Variants in ROBO2 observed in about 807,000 individuals in gnomAD.
The protein encoded by ROBO2 is roundabout guidance receptor 2, also known as roundabout homolog 2.
A neutral mutation model predicts 160.8 loss-of-function variants in ROBO2; 53 were observed. The ratio of observed to expected loss-of-function variants is 0.33; its 90% confidence interval spans 0.26 to 0.41. The LOEUF is 0.41. Among genes scored for constraint, ROBO2 ranks in the 10% least tolerant of loss-of-function variants. ROBO2 has a pLI of 1.00. For synonymous variants in ROBO2, 664 were observed against 611.7 expected, an observed-to-expected ratio of 1.09 and a Z score of -1.26; for missense variants, 1,577 against 1,722.4, an observed-to-expected ratio of 0.92 and a Z score of 1.49.
chr3:77,598,448 T>C (rs2094355553), intron 19 of ROBO2, among the ~76,000 whole-genome samples: 1 of 146,040 alleles, frequency 6.8e-6, no homozygotes, highest in Non-Finnish European at 1.5e-5. Flanking sequence ...TATATATATA[T>C]TTATTTATAT....
Position 76,869,186 on chromosome 3 carries a change from T to A in ROBO2, c.110-228828T>A, listed in dbSNP as rs376266921. On this transcript the variant is annotated intron_variant, in intron 2 of 26. Coordinates refer to the ROBO2 transcript ENST00000487694. ...TGACATAAGTGGTAGAATTTAGGAT[T>A]TGAAACTAAGTCGTCCTAACCATTG... Among the ~76,000 whole-genome samples, 81 of 152,240 alleles carry A rather than the reference T, an allele frequency of 5.3e-4. 1 individual carries two copies. The South Asian group carries it at 1.0e-2, about 19-fold the overall frequency.
intron 2 of ROBO2, among the ~76,000 whole-genome samples, chr3:77,124,814 T>C (rs1422998929): frequency 3.9e-5 from 6 of 151,974 alleles, no homozygotes; most frequent in Non-Finnish European, 8.8e-5. Context: ...GTTTCCAAGG[T>C]CTTACCCTCT....
chr3:76,172,436 TAA>T (rs59265395), intron 2 of ROBO2, among the ~76,000 whole-genome samples: 3,980 of 124,690 alleles, frequency 0.032, 217 homozygotes, highest in East Asian at 0.24. Context: ...GTATAATAAT[TAA>T]AAAAAAAAAA....
At chr3:76,932,708 AG>A (rs752047555) in intron 2 of ROBO2, among the ~76,000 whole-genome samples, 1 of 152,214 alleles carries the variant, frequency 6.6e-6, no homozygotes, top group Non-Finnish European at 1.5e-5. Flanking sequence ...AAATTTTAAA[AG>A]TCAGTACTTA....
intron 2 of ROBO2, among the ~76,000 whole-genome samples, chr3:76,034,052 C>T (rs1006977893): frequency 5.9e-5 from 9 of 152,172 alleles, no homozygotes; most frequent in South Asian, 4.1e-4. Context: ...ATAGACTTCA[C>T]CTCTTGACAG....
chr3:75,964,620 A>G (rs1949040269), intron 2 of ROBO2, among the ~76,000 whole-genome samples: 1 of 151,630 alleles, frequency 6.6e-6, no homozygotes. Flanking sequence ...CAGATGCTTT[A>G]GACAACATGA....
intron 2 of ROBO2, among the ~76,000 whole-genome samples, chr3:77,439,543 A>G (rs2079687204): frequency 6.6e-6 from 1 of 152,150 alleles, no homozygotes; most frequent in South Asian, 2.1e-4. Flanking sequence ...GCTGAAATAA[A>G]TACTTACGTT....
intron 2 of ROBO2, among the ~76,000 whole-genome samples, chr3:76,365,464 G>C (rs1317127569): frequency 1.3e-5 from 2 of 152,052 alleles, no homozygotes; most frequent in African/African-American, 4.8e-5. Flanking sequence ...TCGCTATGCA[G>C]AGGCTAACTG....
chr3:76,647,792 AT>A (rs893255310), intron 2 of ROBO2, among the ~76,000 whole-genome samples: 1 of 152,172 alleles, frequency 6.6e-6, no homozygotes, highest in African/African-American at 2.4e-5. Context: ...GGAAAAAAAA[AT>A]GGGGGAAAGA....
intron 2 of ROBO2, among the ~76,000 whole-genome samples, chr3:76,391,912 T>G (rs1489707011): frequency 6.6e-6 from 1 of 152,176 alleles, no homozygotes; most frequent in Non-Finnish European, 1.5e-5. Context: ...TGATGCAAGT[T>G]TGTTGTTTAA....
chr3:76,622,266 GAAAGAAAGAA>G (rs2089244480), intron 2 of ROBO2, among the ~76,000 whole-genome samples: 1 of 74,452 alleles, frequency 1.3e-5, no homozygotes, highest in Non-Finnish European at 2.9e-5. Context: ...AAGAAAGAAA[GAAAGAAAGAA>G]AGAAAGAAAG....
intron 2 of ROBO2, among the ~76,000 whole-genome samples, chr3:76,182,396 T>C (rs906187293): frequency 3.9e-5 from 6 of 152,160 alleles, no homozygotes; most frequent in Non-Finnish European, 7.4e-5. Context: ...TGAACTCTTT[T>C]AGTTATTATA....
chr3:76,789,293 TC>T (rs1481345086), intron 2 of ROBO2, among the ~76,000 whole-genome samples: 1 of 151,510 alleles, frequency 6.6e-6, no homozygotes, highest in Non-Finnish European at 1.5e-5. Context: ...AGCAATGGCT[TC>T]GTTTTTCCAA....
intron 2 of ROBO2, among the ~76,000 whole-genome samples, chr3:77,166,537 T>C (rs2079092394): frequency 6.6e-6 from 1 of 152,050 alleles, no homozygotes; most frequent in Admixed American, 6.6e-5. Flanking sequence ...AAAAAATATT[T>C]AATGACACAG....
At chr3:76,411,053 G>T (rs998456134) in intron 2 of ROBO2, among the ~76,000 whole-genome samples, 1 of 151,982 alleles carries the variant, frequency 6.6e-6, no homozygotes, top group South Asian at 2.1e-4. Context: ...TGAATGAACA[G>T]TACTTGGGGG....
intron 2 of ROBO2, among the ~76,000 whole-genome samples, chr3:76,938,598 G>T (rs551101404): frequency 6.6e-6 from 1 of 152,144 alleles, no homozygotes; most frequent in South Asian, 2.1e-4. Context: ...TACCACAGGT[G>T]GCTAGCCAGC....
chr3:77,565,177 G>A, intron 12 of ROBO2, 57 bp downstream of exon 13: 1 of 1,579,058 alleles, frequency 6.3e-7, no homozygotes, highest in African/African-American at 1.3e-5. Flanking sequence ...AGATATTTAA[G>A]AACGAGGGGC....
rs1303507442 is a variant in ROBO2 at position 76,882,112 on chromosome 3, GTC to G, written c.110-215900_110-215899del. Among the ~76,000 whole-genome samples, 820 of 126,620 alleles carry G rather than the reference GTC, an allele frequency of 6.5e-3. 12 individuals are homozygous for G. The highest frequency in any genetic ancestry group is 0.021 in the African/African-American group (763 of 35,762). The allele number at this position is 126,620 out of a possible 152,430, so 83.1% of individuals were successfully genotyped here. A position where few individuals can be genotyped will look rare whatever the true frequency, so the allele number is the denominator to read the frequency against. On this transcript the variant is annotated intron_variant, in intron 2 of 26. Coordinates refer to the ROBO2 transcript ENST00000487694. ...TGTGTGTGTGTGTGTGTGTGTGTGT[GTC>G]TGTGTGTGTGTCTTTTGGGTGGTAG...
intron 2 of ROBO2, among the ~76,000 whole-genome samples, chr3:77,475,955 A>G (rs2083944988): frequency 6.6e-6 from 1 of 152,212 alleles, no homozygotes; most frequent in Admixed American, 6.5e-5. Context: ...AAATCAGTAA[A>G]TTAATCAGCT....
Sources: gnomAD v4.1 joint callset for allele counts (sites outside exome capture counted in the v4.1 genomes callset) on GRCh38, gnomAD v4.1.1 for gene constraint, MANE v1.5 for transcripts, NCBI Gene and HGNC (gene_info 2026-07-23, HGNC 2026-07-21) for gene names.